The following RPRD2 variants were observed in gnomAD, a reference collection of about 807,000 sequenced individuals.
RPRD2 encodes regulation of nuclear pre-mRNA domain-containing protein 2.
A neutral mutation model predicts 104.4 loss-of-function variants in RPRD2; 12 were observed. The ratio of observed to expected loss-of-function variants is 0.11; its 90% CI spans 0.07 to 0.19. RPRD2 has a LOEUF of 0.19. Ranked by LOEUF, RPRD2 falls within the 10% of genes least tolerant of loss-of-function variation. The probability of loss-of-function intolerance (pLI) is 1.00; values close to 1 mark genes in which losing one functional copy is unlikely to be tolerated. For synonymous variants in RPRD2, 714 were observed against 684.9 expected (o/e 1.04, Z -0.66); for missense variants, 1,543 against 1,790.1 (o/e 0.86, Z 2.49).
At chr1:150,464,388 C>A in intron 9 of RPRD2, 139 bp from the exon 10 acceptor site, 13 of 413,432 alleles carry the variant, frequency 3.1e-5, no homozygotes, top group Non-Finnish European at 5.0e-5. Flanking sequence ...TTGTACATGT[C>A]ATGTTATGAT....
At chr1:150,423,152 A>G (rs1447094254) in intron 2 of RPRD2, among the ~76,000 whole-genome samples, 2 of 152,190 alleles carry the variant, frequency 1.3e-5, no homozygotes, top group African/African-American at 4.8e-5. Flanking sequence ...AGGGACAGAA[A>G]TGCCAGTTTA....
chr1:150,408,962 A>G, intron 1 of RPRD2: 1 of 150,200 alleles, frequency 6.7e-6, no homozygotes, highest in East Asian at 1.9e-4. Flanking sequence ...TTATACCATA[A>G]TGCTTGTTTT....
intron 7 of RPRD2, among the ~76,000 whole-genome samples, chr1:150,448,826 T>A (rs1333768397): frequency 6.6e-6 from 1 of 152,258 alleles, no homozygotes; most frequent in Non-Finnish European, 1.5e-5. Context: ...AAAATAGCTC[T>A]TAACTGTTGT....
rs587769706 is a variant in RPRD2, at chr1:150,393,129, G to A, written c.206-24467G>A. On this transcript the variant is annotated intron_variant, in intron 1 of 10. Coordinates refer to ENST00000369068, the MANE Select transcript of RPRD2 (RefSeq NM_015203.5). ...AACCAAAAACAATAAAAAACATACC[G>A]CTATAGTAGCTGCATGAATAAAGAC... 3.9e-5 allele frequency among the ~76,000 whole-genome samples: 6 copies of A among 151,982 alleles called. No homozygotes were observed. The South Asian group carries it at 8.3e-4, about 21-fold the overall frequency.
chr1:150,441,784 C>T (rs1666421484), intron 3 of RPRD2, 97 bp from the exon 4 acceptor site: 5 of 704,530 alleles, frequency 7.1e-6, no homozygotes, highest in Admixed American at 5.8e-5. Flanking sequence ...CACACAGTCT[C>T]GGATTGCCTT....
chr1:150,424,228 A>T (rs1553890199), intron 2 of RPRD2, among the ~76,000 whole-genome samples: 9 of 152,190 alleles, frequency 5.9e-5, no homozygotes. Context: ...ATAAATTGAA[A>T]ATTGCTATAT....
rs373776254 is a variant in RPRD2 at position 150,475,538 on chromosome 1, C to T, written c.*2204C>T. On this transcript the variant is annotated 3_prime_UTR_variant, in exon 11 of 11. Coordinates refer to ENST00000369068, the MANE Select transcript of RPRD2 (RefSeq NM_015203.5). ...AAAGGAAGACTTTGTTGGACAGTTTCGAAGGTGGGCTTTTAAGGAGTTGGG... is the reference window on the plus strand; with the variant it reads ...AAAGGAAGACTTTGTTGGACAGTTTTGAAGGTGGGCTTTTAAGGAGTTGGG... 6.6e-6 allele frequency: 1 copy of T among 152,420 alleles called. No individual in the cohort carries two copies. The highest frequency in any genetic ancestry group is 6.6e-5 in the Admixed American group (1 of 15,262). The allele number at this position is 152,420 out of a possible 1,614,324, so 9.4% of individuals were successfully genotyped here.
intron 2 of RPRD2, among the ~76,000 whole-genome samples, chr1:150,433,396 AAT>A (rs1331958713): frequency 7.0e-6 from 1 of 142,772 alleles, no homozygotes; most frequent in Non-Finnish European, 1.5e-5. Context: ...TATAATATAT[AAT>A]ATATATATAC....
intron 4 of RPRD2, among the ~76,000 whole-genome samples, chr1:150,442,864 G>T (rs916739522): frequency 8.6e-5 from 13 of 151,944 alleles, no homozygotes; most frequent in Non-Finnish European, 1.3e-4. Context: ...CAGTGCTCAG[G>T]ATTAATTGGA....
intron 1 of RPRD2, among the ~76,000 whole-genome samples, chr1:150,404,768 C>T (rs1663334337): frequency 6.6e-6 from 1 of 152,122 alleles, no homozygotes; most frequent in South Asian, 2.1e-4. Flanking sequence ...CTGTGCCCGG[C>T]CTCGTCACAT....
intron 2 of RPRD2, among the ~76,000 whole-genome samples, chr1:150,433,583 T>C (rs1553892416): frequency 6.8e-6 from 1 of 148,106 alleles, no homozygotes; most frequent in African/African-American, 2.4e-5. Context: ...TAGCTGGGAC[T>C]ACAGGCGCCC....
chr1:150,364,755 C>T lies in RPRD2; in HGVS notation c.41C>T (p.Ser14Phe). The change falls in exon 1 of 11, where the codon TCC becomes TTC. Residue 14 changes from serine (S) to phenylalanine (F), a missense_variant. Physicochemically the swap from Ser to Phe is radical, Grantham distance 155 (BLOSUM62 -2). Coordinates refer to ENST00000369068, the MANE Select transcript of RPRD2 (RefSeq NM_015203.5). ...GGGGGSSKAS[S>F]SSASSAGALE... The stretch of plus-strand genomic sequence containing the variant: ...GGCGGAGGCAGCAGTAAGGCCTCCT[C>T]CTCGTCGGCCTCTTCGGCAGGGGCT... 1.9e-6 allele frequency: 3 copies of T among 1,600,620 alleles called. No homozygotes were observed. Among genetic ancestry groups the T allele is most frequent in the Non-Finnish European group, 2.6e-6 (3 of 1,173,442 alleles).
intron 1 of RPRD2, among the ~76,000 whole-genome samples, chr1:150,376,934 G>A (rs1226788002): frequency 2.0e-5 from 3 of 151,716 alleles, no homozygotes; most frequent in African/African-American, 7.3e-5. Context: ...GTGCTGGCCG[G>A]GCGCTGTGGC....
intron 2 of RPRD2, among the ~76,000 whole-genome samples, chr1:150,430,937 A>G (rs1027992151): frequency 6.6e-6 from 1 of 152,158 alleles, no homozygotes; most frequent in Non-Finnish European, 1.5e-5. Context: ...CAAAAAAAAA[A>G]AGATAACACG....
intron 5 of RPRD2, 115 bp from the exon 6 acceptor site, chr1:150,444,136 A>T: frequency 9.7e-7 from 1 of 1,026,738 alleles, no homozygotes; most frequent in Non-Finnish European, 1.4e-6. Context: ...GGGTTTTGTT[A>T]AGCTTTAGGG....
rs1368799803 is a variant in RPRD2 at position 150,473,600 on chromosome 1, C to T, written c.*266C>T. The T allele has an allele frequency of 1.1e-5, 3 of 273,450 alleles. No individual in the cohort carries two copies. The highest frequency in any genetic ancestry group is 4.9e-5 in the Admixed American group (1 of 20,256). 16.9% of individuals were successfully genotyped at this position (273,450 alleles called of 1,614,324 possible). The stretch of plus-strand genomic sequence containing the variant: ...AAAAAGTAAAGAAACACAACCAAAG[C>T]CATTTCATTTGGCTGGGGGGTTGGG... On this transcript the variant is annotated 3_prime_UTR_variant, in exon 11 of 11. Coordinates refer to ENST00000369068, the MANE Select transcript of RPRD2 (RefSeq NM_015203.5).
chr1:150,416,496 C>T (rs1664337399), intron 1 of RPRD2, among the ~76,000 whole-genome samples: 1 of 151,870 alleles, frequency 6.6e-6, no homozygotes, highest in African/African-American at 2.4e-5. Context: ...TGAAATTACC[C>T]AGCATAATAA....
chr1:150,473,456 C>A lies in RPRD2; in HGVS notation c.*122C>A. 1.1e-6 allele frequency: 1 copy of A among 911,458 alleles called. No individual in the cohort carries two copies. Among genetic ancestry groups the A allele is most frequent in the Non-Finnish European group, 1.6e-6 (1 of 627,642 alleles). 56.5% of individuals were successfully genotyped at this position (911,458 alleles called of 1,614,324 possible). ...ATTTTTTTTTTATTATAACAAAGGG[C>A]CTCTCTTCCAAAGTAAGAAATCACA... On this transcript the variant is annotated 3_prime_UTR_variant, in exon 11 of 11. Coordinates refer to ENST00000369068, the MANE Select transcript of RPRD2 (RefSeq NM_015203.5).
chr1:150,452,141 CA>C (rs34342843), intron 7 of RPRD2, among the ~76,000 whole-genome samples: 2,013 of 110,918 alleles, frequency 0.018, 42 homozygotes, highest in African/African-American at 0.061. Flanking sequence ...GACTCTGTCT[CA>C]AAAAAAAAAA....
Sources: allele counts gnomAD v4.1 joint callset (sites outside exome capture counted in the v4.1 genomes callset), GRCh38; gene constraint gnomAD v4.1.1; transcripts MANE v1.5; gene names NCBI Gene and HGNC (gene_info 2026-07-23, HGNC 2026-07-21).